The following NDFIP2 variants were observed in gnomAD, a reference collection of about 807,000 sequenced individuals.
The protein encoded by NDFIP2 is Nedd4 family interacting protein 2, also known as NEDD4 family-interacting protein 2.
Under a neutral mutation model 36.0 loss-of-function variants are expected in NDFIP2, and 19 were observed. The ratio of observed to expected loss-of-function variants is 0.53; its 90% CI spans 0.37 to 0.77. NDFIP2 has a LOEUF of 0.77. NDFIP2 is among the 30% of genes least tolerant of loss of function. NDFIP2 has a pLI of 0.00. For synonymous variants in NDFIP2, 181 were observed against 167.7 expected (o/e 1.08, Z -0.61); for missense variants, 446 against 435.8 (o/e 1.02, Z -0.21).
At chr13:79,483,025 A>G (rs1275798686) in intron 1 of NDFIP2, among the ~76,000 whole-genome samples, 1 of 152,218 alleles carries the variant, frequency 6.6e-6, no homozygotes, top group Non-Finnish European at 1.5e-5. Context: ...AAACACTGTT[A>G]ATTTATGTAG....
chr13:79,492,413 G>GT (rs970788288), intron 1 of NDFIP2, among the ~76,000 whole-genome samples: 16 of 151,516 alleles, frequency 1.1e-4, no homozygotes, highest in African/African-American at 2.4e-4. Context: ...TGAGAGTTTT[G>GT]TTTTTTTTGA....
intron 1 of NDFIP2, among the ~76,000 whole-genome samples, chr13:79,510,388 T>G (rs950056758): frequency 3.3e-5 from 5 of 151,850 alleles, no homozygotes; most frequent in African/African-American, 7.3e-5. Context: ...TTTTGTTTTT[T>G]TTTTTTTGAC....
intron 1 of NDFIP2, among the ~76,000 whole-genome samples, chr13:79,499,936 T>G (rs1873591034): frequency 6.6e-6 from 1 of 151,448 alleles, no homozygotes; most frequent in Non-Finnish European, 1.5e-5. Flanking sequence ...AAGAACAGAG[T>G]TGGAGGGCTG....
At chr13:79,550,079 C>T (rs1378510826) in intron 6 of NDFIP2, among the ~76,000 whole-genome samples, 1 of 151,796 alleles carries the variant, frequency 6.6e-6, no homozygotes, top group East Asian at 1.9e-4. Context: ...AAGTCATACA[C>T]ATACAGTAGA....
chr13:79,488,330 T>C (rs1043032382), intron 1 of NDFIP2, among the ~76,000 whole-genome samples: 2 of 152,170 alleles, frequency 1.3e-5, no homozygotes, highest in African/African-American at 4.8e-5. Flanking sequence ...TCTCTTGCTA[T>C]TTTTGTGCAT....
intron 4 of NDFIP2, among the ~76,000 whole-genome samples, chr13:79,540,715 A>T (rs974408522): frequency 6.6e-6 from 1 of 152,122 alleles, no homozygotes; most frequent in East Asian, 1.9e-4. Context: ...GTCCATGTAA[A>T]CCCTGTCCTC....
intron 1 of NDFIP2, among the ~76,000 whole-genome samples, chr13:79,497,729 A>G (rs1256907842): frequency 9.1e-6 from 1 of 109,682 alleles, no homozygotes; most frequent in African/African-American, 3.5e-5. Context: ...TTTTTCTTTC[A>G]TGTTGGAAGT....
intron 4 of NDFIP2, among the ~76,000 whole-genome samples, chr13:79,540,026 A>G (rs1179233809): frequency 6.6e-6 from 1 of 152,260 alleles, no homozygotes; most frequent in African/African-American, 2.4e-5. Flanking sequence ...GTAAAAGTAC[A>G]TAAGCATATT....
chr13:79,536,326 G>T (rs1316150499), intron 3 of NDFIP2, among the ~76,000 whole-genome samples: 1 of 152,140 alleles, frequency 6.6e-6, no homozygotes, highest in African/African-American at 2.4e-5. Context: ...GCAACACCAG[G>T]ACAGAGATCT....
intron 1 of NDFIP2, among the ~76,000 whole-genome samples, chr13:79,515,948 A>C (rs1343412610): frequency 7.6e-6 from 1 of 131,562 alleles, no homozygotes; most frequent in East Asian, 2.3e-4. Context: ...GGTGGGGGGC[A>C]GGGGTCATAG....
chr13:79,535,588 A>G (rs567359538), intron 3 of NDFIP2, among the ~76,000 whole-genome samples: 7 of 152,334 alleles, frequency 4.6e-5, no homozygotes, highest in African/African-American at 1.7e-4. Context: ...CAAAGTATTA[A>G]TAGAATTGTG....
rs1040981779 is a variant in NDFIP2, at chr13:79,554,652, A to G, written c.*2139A>G. 2.6e-5 allele frequency: 4 copies of G among 151,902 alleles called. No individual in the cohort carries two copies. Among genetic ancestry groups the G allele is most frequent in the Admixed American group, 2.6e-4 (4 of 15,230 alleles). 9.4% of individuals were successfully genotyped at this position (151,902 alleles called of 1,614,324 possible). A position where few individuals can be genotyped will look rare whatever the true frequency, so the allele number is the denominator to read the frequency against. On this transcript the variant is annotated 3_prime_UTR_variant, in exon 8 of 8. Transcript: ENST00000218652. ...GCAGGGGAATCAGAATGTTATTTTCAAGAACTTAATGTTCCCTTCAGATAT... is the reference window on the plus strand; with the variant it reads ...GCAGGGGAATCAGAATGTTATTTTCGAGAACTTAATGTTCCCTTCAGATAT...
At chr13:79,498,743 C>T (rs1481251997) in intron 1 of NDFIP2, among the ~76,000 whole-genome samples, 2 of 152,012 alleles carry the variant, frequency 1.3e-5, no homozygotes, top group African/African-American at 2.4e-5. Flanking sequence ...ATGACCAAAT[C>T]AGCTCTTGGA....
chr13:79,508,489 T>C (rs1233785415), intron 1 of NDFIP2, among the ~76,000 whole-genome samples: 3 of 152,208 alleles, frequency 2.0e-5, no homozygotes, highest in African/African-American at 7.2e-5. Flanking sequence ...AAACAATGGG[T>C]GGATCATTCA....
chr13:79,504,416 G>A (rs2140747812), intron 1 of NDFIP2, among the ~76,000 whole-genome samples: 1 of 152,160 alleles, frequency 6.6e-6, no homozygotes, highest in South Asian at 2.1e-4. Context: ...ATATCTAAAT[G>A]TTTCAGTGTG....
At chr13:79,517,736 C>T (rs1377344534) in intron 1 of NDFIP2, among the ~76,000 whole-genome samples, 29 of 152,040 alleles carry the variant, frequency 1.9e-4, no homozygotes, top group Admixed American at 1.9e-3. Flanking sequence ...TATTTTGGAG[C>T]TTATATATAA....
At chr13:79,547,742 T>C (rs1386639798) in intron 5 of NDFIP2, among the ~76,000 whole-genome samples, 1 of 152,132 alleles carries the variant, frequency 6.6e-6, no homozygotes, top group Non-Finnish European at 1.5e-5. Flanking sequence ...ATTTAGCTGT[T>C]CTCAGCTCTC....
chr13:79,503,537 G>A (rs773468721), intron 1 of NDFIP2, among the ~76,000 whole-genome samples: 14 of 152,118 alleles, frequency 9.2e-5, no homozygotes, highest in Non-Finnish European at 1.6e-4. Context: ...GTTGAGGCCA[G>A]AAGGTTGGGA....
intron 5 of NDFIP2, 33 bp from the exon 6 acceptor site, chr13:79,548,295 A>G: frequency 7.2e-7 from 1 of 1,397,504 alleles, no homozygotes; most frequent in African/African-American, 1.4e-5. Context: ...CAGGTGTATG[A>G]ATTCGGTTAA....
Sources: gnomAD v4.1 joint callset for allele counts (sites outside exome capture counted in the v4.1 genomes callset) on GRCh38, gnomAD v4.1.1 for gene constraint, MANE v1.5 for transcripts, NCBI Gene and HGNC (gene_info 2026-07-23, HGNC 2026-07-21) for gene names.